The following KCNMA1 variants were observed in gnomAD, a reference collection of about 807,000 sequenced individuals.
The protein encoded by KCNMA1 is Calcium-activated potassium channel subunit alpha-1.
A neutral mutation model predicts 140.0 loss-of-function variants in KCNMA1; 29 were observed. The ratio of observed to expected loss-of-function variants is 0.21; its 90% CI spans 0.15 to 0.28. The LOEUF (loss-of-function observed/expected upper bound fraction) is 0.28, where lower values mean the gene tolerates loss of function less well. Among genes scored for constraint, KCNMA1 ranks in the 10% least tolerant of loss-of-function variants. The pLI is 1.00. For missense variants in KCNMA1, 880 were observed against 1,602.2 expected, an observed-to-expected ratio of 0.55 and a Z score of 7.70; for synonymous variants, 612 against 611.9, an observed-to-expected ratio of 1.00 and a Z score of 0.00.
At chr10:77,183,837 T>C (rs141401260) in intron 4 of KCNMA1, among the ~76,000 whole-genome samples, 48 of 151,704 alleles carry the variant, frequency 3.2e-4, no homozygotes, top group African/African-American at 1.1e-3. Flanking sequence ...GTCCTTCTCA[T>C]ATCTACACAA....
intron 2 of KCNMA1, among the ~76,000 whole-genome samples, chr10:77,361,447 T>TG (rs1458840919): frequency 6.6e-6 from 1 of 152,198 alleles, no homozygotes; most frequent in Non-Finnish European, 1.5e-5. Flanking sequence ...GCCACTGGCC[T>TG]GGGGTCTCAT....
chr10:77,608,977 C>T (rs192669766), intron 1 of KCNMA1, among the ~76,000 whole-genome samples: 1 of 151,970 alleles, frequency 6.6e-6, no homozygotes, highest in Admixed American at 6.6e-5. Context: ...AAAAGAGAAC[C>T]CTGTTACACT....
intron 3 of KCNMA1, among the ~76,000 whole-genome samples, chr10:77,217,079 C>T (rs1469236766): frequency 2.0e-5 from 3 of 151,880 alleles, no homozygotes; most frequent in Non-Finnish European, 2.9e-5. Flanking sequence ...CTGAGGCGGG[C>T]GGATCACCTG....
intron 2 of KCNMA1, among the ~76,000 whole-genome samples, chr10:77,351,880 T>C (rs1222674507): frequency 2.0e-5 from 3 of 152,256 alleles, no homozygotes; most frequent in African/African-American, 7.2e-5. Context: ...TTCTAGTGCA[T>C]GCTTTTTGAA....
At chr10:77,113,385 A>T (rs552389478) in intron 6 of KCNMA1, among the ~76,000 whole-genome samples, 113 of 152,326 alleles carry the variant, frequency 7.4e-4, no homozygotes, top group African/African-American at 2.6e-3. Flanking sequence ...TTGTAATGAC[A>T]TTAAATTTTG....
intron 23 of KCNMA1, among the ~76,000 whole-genome samples, chr10:76,943,070 C>G (rs1361243713): frequency 6.6e-6 from 1 of 152,180 alleles, no homozygotes; most frequent in East Asian, 1.9e-4. Context: ...GCAGAGAGGA[C>G]ACATATTGAA....
intron 5 of KCNMA1, among the ~76,000 whole-genome samples, chr10:77,158,674 C>G (rs1336598968): frequency 6.6e-6 from 1 of 152,064 alleles, no homozygotes; most frequent in African/African-American, 2.4e-5. Flanking sequence ...GTCTTGAGAC[C>G]CCTTTGTTTC....
At chr10:77,474,510 C>G (rs1328981074) in intron 1 of KCNMA1, among the ~76,000 whole-genome samples, 1 of 152,206 alleles carries the variant, frequency 6.6e-6, no homozygotes, top group Non-Finnish European at 1.5e-5. Context: ...CTCAGACTTA[C>G]AGCCTCTAGC....
Position 76,906,983 on chromosome 10 carries a change from T to C in KCNMA1, c.3147+2983A>G, listed in dbSNP as rs545256675. On this transcript the variant is annotated intron_variant, in intron 25 of 27. Transcript: ENST00000286628. ...TAATGATTTGAAAAGTTACCATCAA[T>C]GACTTACTTAAATATGTCTTGCTTC... Among the ~76,000 whole-genome samples the C allele has an allele frequency of 3.5e-4, 53 of 152,350 alleles. 2 individuals are homozygous for C. In the South Asian group the frequency reaches 0.011, roughly 31 times the overall value.
At chr10:76,963,685 T>C in intron 20 of KCNMA1, among the ~76,000 whole-genome samples, 1 of 152,342 alleles carries the variant, frequency 6.6e-6, no homozygotes, top group African/African-American at 2.4e-5. Flanking sequence ...ACTGACTAGA[T>C]GCTGCACTAA....
intron 2 of KCNMA1, among the ~76,000 whole-genome samples, chr10:77,268,878 G>A (rs1019543145): frequency 3.3e-5 from 5 of 152,240 alleles, no homozygotes; most frequent in South Asian, 2.1e-4. Context: ...ATGAATACAC[G>A]CCTCAGTAGT....
chr10:77,587,728 G>C (rs1206799542), intron 1 of KCNMA1: 6 of 985,302 alleles, frequency 6.1e-6, no homozygotes, highest in Non-Finnish European at 7.2e-6. Context: ...TGCAGAGGCT[G>C]TTTTGCTTTC....
chr10:77,001,349 A>C (rs2086375040), intron 19 of KCNMA1, 58 bp downstream of exon 19: 1 of 1,468,276 alleles, frequency 6.8e-7, no homozygotes, highest in Non-Finnish European at 9.3e-7. Flanking sequence ...AGCACAAGAC[A>C]GGGATGATAC....
At chr10:77,541,809 T>C (rs1308715995) in intron 1 of KCNMA1, among the ~76,000 whole-genome samples, 2 of 152,178 alleles carry the variant, frequency 1.3e-5, no homozygotes, top group Non-Finnish European at 2.9e-5. Context: ...TAACTCCACA[T>C]GCCTAGGGGT....
At chr10:77,336,151 A>C (rs919432380) in intron 2 of KCNMA1, among the ~76,000 whole-genome samples, 1 of 152,212 alleles carries the variant, frequency 6.6e-6, no homozygotes, top group Non-Finnish European at 1.5e-5. Flanking sequence ...AGTGCTAGAT[A>C]GATTAAGTGT....
chr10:77,176,715 C>T (rs191352444), intron 5 of KCNMA1, among the ~76,000 whole-genome samples: 1 of 152,270 alleles, frequency 6.6e-6, no homozygotes, highest in East Asian at 1.9e-4. Flanking sequence ...CCCTCAGAGC[C>T]TCAGATTCCT....
chr10:77,362,133 C>A (rs1468918716), intron 2 of KCNMA1, among the ~76,000 whole-genome samples: 1 of 152,146 alleles, frequency 6.6e-6, no homozygotes, highest in Non-Finnish European at 1.5e-5. Context: ...ACGCGAGGCT[C>A]CCAGCAGGCT....
intron 3 of KCNMA1, among the ~76,000 whole-genome samples, chr10:77,221,398 A>C (rs1241496535): frequency 1.3e-5 from 2 of 152,180 alleles, no homozygotes; most frequent in Non-Finnish European, 1.5e-5. Flanking sequence ...GAGCTAGCTG[A>C]AATTATATGC....
In KCNMA1 at chr10:77,403,992, T is replaced by C. The variant is rs770622185; in HGVS notation, c.410A>G (p.Gln137Arg). The part of the protein sequence containing the change: ...EAQKINNGSS[Q>R]ADGTLKPVDE... ...CACTGGTTTGAGAGTGCCATCCGCC[T>C]GGCTTGAGCCATTGTTAATCTTCTG... is the stretch of plus-strand genomic sequence containing the variant. The change falls in exon 2 of 28, where the codon CAG becomes CGG. Residue 137 changes from glutamine (Q) to arginine (R), a missense_variant. Gln to Arg is a conservative substitution (Grantham distance 43). Transcript: ENST00000286628. 2 of 1,614,182 alleles carry C rather than the reference T, an allele frequency of 1.2e-6. No individual in the cohort carries two copies. The highest frequency in any genetic ancestry group is 1.1e-5 in the South Asian group (1 of 91,084).
Sources: gnomAD v4.1 joint callset for allele counts (sites outside exome capture counted in the v4.1 genomes callset) on GRCh38, gnomAD v4.1.1 for gene constraint, MANE v1.5 for transcripts, NCBI Gene and HGNC (gene_info 2026-07-23, HGNC 2026-07-21) for gene names.